PPL: variants seen among roughly 807,000 people sequenced by gnomAD.
PPL encodes the protein periplakin, also known as 190 kDa paraneoplastic pemphigus antigen.
In PPL, 198 loss-of-function variants were observed where a neutral mutation model predicts 194.4. The observed-to-expected ratio is 1.02, with a 90% CI of 0.91 to 1.15. The LOEUF (loss-of-function observed/expected upper bound fraction) is 1.15, where lower values mean the gene tolerates loss of function less well. Among genes scored for constraint, PPL ranks in the 50% most tolerant of loss-of-function variants. PPL has a pLI of 0.00. For synonymous variants in PPL, 1,220 were observed against 972.4 expected, an observed-to-expected ratio of 1.25 and a Z score of -4.74; for missense variants, 2,885 against 2,294.8, an observed-to-expected ratio of 1.26 and a Z score of -5.25.
chr16:4,905,653 C>T (rs757820059), intron 2 of PPL, among the ~76,000 whole-genome samples: 6 of 152,142 alleles, frequency 3.9e-5, no homozygotes, highest in Non-Finnish European at 5.9e-5. Flanking sequence ...ACGAGAAATA[C>T]ACAGGGGTGA....
Position 4,888,058 on chromosome 16 carries a change from G to A in PPL, c.2514+44C>T. 2.8e-6 allele frequency: 4 copies of A among 1,412,056 alleles called. No homozygotes were observed. In the Middle Eastern group the frequency reaches 6.0e-4, roughly 212 times the overall value. The allele number at this position is 1,412,056 out of a possible 1,614,324, so 87.5% of individuals were successfully genotyped here. On this transcript the variant is annotated intron_variant, in intron 20 of 21. Coordinates refer to ENST00000345988, the MANE Select transcript of PPL (RefSeq NM_002705.5). Reference sequence around the variant, plus strand: ...TGCTCCCTGGGGAGCAGGGCAGCTTGGCCTCCACCTCAGTCCCGAGGCCGC... The same window carrying A: ...TGCTCCCTGGGGAGCAGGGCAGCTTAGCCTCCACCTCAGTCCCGAGGCCGC...
In PPL at chr16:4,920,611, C is replaced by T. The variant is rs191925026; in HGVS notation, c.63-9662G>A. On this transcript the variant is annotated intron_variant, in intron 1 of 21. Transcript: ENST00000345988. ...CCGAGTAGCTGGGATTACAGGCGCACGCCACCATGCCTGGCTAATTTTTGT... is the reference window on the plus strand; with the variant it reads ...CCGAGTAGCTGGGATTACAGGCGCATGCCACCATGCCTGGCTAATTTTTGT... 1.0e-3 allele frequency among the ~76,000 whole-genome samples: 153 copies of T among 152,118 alleles called. No homozygotes were observed. In the Middle Eastern group the frequency reaches 0.01, roughly 10 times the overall value.
At chr16:4,924,671 C>T (rs990777061) in intron 1 of PPL, among the ~76,000 whole-genome samples, 6 of 152,236 alleles carry the variant, frequency 3.9e-5, no homozygotes, top group Admixed American at 1.3e-4. Context: ...CCCCACTGTG[C>T]CCACTGGAGC....
chr16:4,887,698 G>A (rs1408675958), intron 20 of PPL, among the ~76,000 whole-genome samples: 1 of 152,100 alleles, frequency 6.6e-6, no homozygotes, highest in Non-Finnish European at 1.5e-5. Context: ...GAACTCCTGG[G>A]CCCAAGTGAT....
At chr16:4,901,126 G>A in intron 4 of PPL, 37 bp from the exon 5 acceptor site, 1 of 1,608,736 alleles carries the variant, frequency 6.2e-7, no homozygotes, top group Non-Finnish European at 8.5e-7. Flanking sequence ...AGGAGAGGGT[G>A]GGCTGAGGGC....
intron 1 of PPL, among the ~76,000 whole-genome samples, chr16:4,918,229 G>A (rs576434487): frequency 6.6e-6 from 1 of 150,598 alleles, no homozygotes; most frequent in Non-Finnish European, 1.5e-5. Context: ...GGAGGTGGAG[G>A]TTGCAGTGAG....
chr16:4,919,932 C>A lies in PPL; in HGVS notation c.63-8983G>T, dbSNP rs142171855. Reference sequence around the variant, plus strand: ...TGGGAGATGGAGAAAGACCCTGTCTCAAATTAAAACCAAAAAAAGTGTATT... The same window carrying A: ...TGGGAGATGGAGAAAGACCCTGTCTAAAATTAAAACCAAAAAAAGTGTATT... On this transcript the variant is annotated intron_variant, in intron 1 of 21. Coordinates refer to ENST00000345988, the MANE Select transcript of PPL (RefSeq NM_002705.5). Among the ~76,000 whole-genome samples the A allele has an allele frequency of 3.4e-4, 51 of 151,822 alleles. No individual in the cohort carries two copies. The East Asian group carries it at 9.2e-3, about 27-fold the overall frequency.
intron 4 of PPL, 95 bp from the exon 5 acceptor site, chr16:4,901,184 G>T: frequency 1.4e-6 from 2 of 1,398,086 alleles, no homozygotes; most frequent in African/African-American, 1.4e-5. Context: ...GCATGATGGT[G>T]CTCTCTTTTT....
chr16:4,920,086 T>C (rs2089006152), intron 1 of PPL, among the ~76,000 whole-genome samples: 1 of 151,176 alleles, frequency 6.6e-6, no homozygotes, highest in East Asian at 2.0e-4. Flanking sequence ...GAGATCGAGA[T>C]CATCCTGGCC....
chr16:4,897,006 G>A (rs973051742), intron 9 of PPL, among the ~76,000 whole-genome samples: 1 of 152,020 alleles, frequency 6.6e-6, no homozygotes, highest in Admixed American at 6.6e-5. Context: ...GCATAACATT[G>A]CGAATGCAAT....
intron 1 of PPL, among the ~76,000 whole-genome samples, chr16:4,920,756 C>T (rs1408009104): frequency 1.3e-5 from 2 of 152,126 alleles, no homozygotes; most frequent in Non-Finnish European, 2.9e-5. Flanking sequence ...CCACCATACT[C>T]GGCCTCAACT....
chr16:4,905,124 G>A (rs2088656753), intron 2 of PPL, among the ~76,000 whole-genome samples: 1 of 152,178 alleles, frequency 6.6e-6, no homozygotes. Context: ...GGGAATGAGT[G>A]CAGGTTGGCT....
chr16:4,927,486 C>A (rs750889681), intron 1 of PPL, among the ~76,000 whole-genome samples: 3 of 152,150 alleles, frequency 2.0e-5, no homozygotes, highest in Non-Finnish European at 4.4e-5. Flanking sequence ...GGGATGAGAA[C>A]AAGGAACTGA....
intron 2 of PPL, among the ~76,000 whole-genome samples, chr16:4,909,189 T>A (rs986427351): frequency 6.6e-6 from 1 of 151,496 alleles, no homozygotes; most frequent in African/African-American, 2.4e-5. Context: ...GAGAACAGAG[T>A]CTCCACTTAT....
rs2142319862 is a variant in PPL, at chr16:4,883,878, T to C, written c.4777A>G (p.Thr1593Ala). Reference sequence around the variant, plus strand: ...ACGGTCATGTTCCGCAGGTCTCGTGTTTCCGTCGCTGCCATGTTGATTTCC... The same window carrying C: ...ACGGTCATGTTCCGCAGGTCTCGTGCTTCCGTCGCTGCCATGTTGATTTCC... Reference protein sequence around the residue: ...QSEINMAATETRDLRNMTVAD... With the variant: ...QSEINMAATEARDLRNMTVAD... The change falls in exon 22 of 22, where the codon ACA becomes GCA. Residue 1593 changes from threonine to alanine, a missense_variant. Thr to Ala is a moderately conservative substitution (Grantham distance 58). Transcript: ENST00000345988. The surrounding 1 kb of genome is among the most constrained non-coding windows in gnomAD (Gnocchi z 4.8). The C allele has an allele frequency of 6.2e-7, 1 of 1,614,026 alleles. No homozygotes were observed. Among genetic ancestry groups the C allele is most frequent in the Non-Finnish European group, 8.5e-7 (1 of 1,180,040 alleles).
intron 2 of PPL, among the ~76,000 whole-genome samples, chr16:4,905,539 T>C (rs2088665032): frequency 6.6e-6 from 1 of 152,224 alleles, no homozygotes; most frequent in African/African-American, 2.4e-5. Flanking sequence ...CTTGCTAAAG[T>C]TACTCAAAAT....
Position 4,900,827 on chromosome 16 carries a change from C to T in PPL, c.606+3G>A, listed in dbSNP as rs1206200893. The T allele has an allele frequency of 1.9e-6, 3 of 1,614,162 alleles. No homozygotes were observed. The highest frequency in any genetic ancestry group is 4.5e-5 in the East Asian group (2 of 44,880). ...GAGGCCTTTCCCCCAGGGAGCTCCT[C>T]ACCAGCAGTTTCTGGTACTTGGCCC... On this transcript the variant is annotated splice_donor_region_variant and intron_variant, in intron 6 of 21. Transcript: ENST00000345988.
At position 4,895,254 on chromosome 16, in the gene PPL, C is replaced by A; in HGVS notation, c.1242+7G>T. 4 of 1,597,476 alleles carry A rather than the reference C, an allele frequency of 2.5e-6. No individual in the cohort carries two copies. The highest frequency in any genetic ancestry group is 3.4e-6 in the Non-Finnish European group (4 of 1,171,280). On this transcript the variant is annotated splice_region_variant and intron_variant, in intron 11 of 21. Coordinates refer to ENST00000345988, the MANE Select transcript of PPL (RefSeq NM_002705.5). ...GTGATGTGAACAGAGGAGCTGGCCC[C>A]ACGCACCTGCTCCCCCTCAAAGTCA... is the stretch of plus-strand genomic sequence containing the variant.
chr16:4,927,013 A>G (rs2089167264), intron 1 of PPL, among the ~76,000 whole-genome samples: 1 of 152,190 alleles, frequency 6.6e-6, no homozygotes, highest in African/African-American at 2.4e-5. Flanking sequence ...TCCAGTAAAA[A>G]CCAGGAAAAG....
Sources: allele counts gnomAD v4.1 joint callset (sites outside exome capture counted in the v4.1 genomes callset), GRCh38; gene constraint gnomAD v4.1.1; non-coding constraint Gnocchi (gnomAD v3.1); transcripts MANE v1.5; gene names NCBI Gene and HGNC (gene_info 2026-07-23, HGNC 2026-07-21).